Variants in ROBO1 observed in about 807,000 individuals in gnomAD.
ROBO1 encodes roundabout homolog 1.
Under a neutral mutation model 195.9 loss-of-function variants are expected in ROBO1, and 149 were observed. The ratio of observed to expected loss-of-function variants is 0.76; its 90% confidence interval spans 0.67 to 0.87. ROBO1 has a LOEUF of 0.87. Ranked by LOEUF, ROBO1 falls within the 40% of genes least tolerant of loss-of-function variation. The pLI is 0.00. For missense variants in ROBO1, 1,933 were observed against 2,068.3 expected, an observed-to-expected ratio of 0.93 and a Z score of 1.27; for synonymous variants, 816 against 733.2, an observed-to-expected ratio of 1.11 and a Z score of -1.82.
chr3:78,691,300 A>C (rs1036201058), intron 8 of ROBO1, among the ~76,000 whole-genome samples: 16 of 152,096 alleles, frequency 1.1e-4, no homozygotes, highest in Admixed American at 6.6e-4. Context: ...TACAATTTTT[A>C]ATTTAAACTT....
chr3:79,085,286 C>T (rs1440664330), intron 3 of ROBO1, among the ~76,000 whole-genome samples: 1 of 152,102 alleles, frequency 6.6e-6, no homozygotes, highest in Non-Finnish European at 1.5e-5. Context: ...TTTAGTTATT[C>T]TGGACACTTC....
At chr3:78,714,085 C>T (rs2081836229) in intron 8 of ROBO1, among the ~76,000 whole-genome samples, 3 of 152,154 alleles carry the variant, frequency 2.0e-5, no homozygotes, top group South Asian at 2.1e-4. Context: ...ATTAGAAGGG[C>T]TCTATGTTTG....
intron 3 of ROBO1, among the ~76,000 whole-genome samples, chr3:78,981,856 A>G (rs2077002247): frequency 6.6e-6 from 1 of 151,696 alleles, no homozygotes; most frequent in African/African-American, 2.4e-5. Flanking sequence ...GACTTTCCCT[A>G]GAAATTCCTG....
chr3:79,708,597 T>G (rs1702153833), intron 1 of ROBO1, among the ~76,000 whole-genome samples: 1 of 152,136 alleles, frequency 6.6e-6, no homozygotes, highest in African/African-American at 2.4e-5. Flanking sequence ...GGATGACAGC[T>G]TCACACTGTA....
intron 1 of ROBO1, among the ~76,000 whole-genome samples, chr3:79,738,541 AG>A (rs1703489029): frequency 6.6e-6 from 1 of 152,208 alleles, no homozygotes; most frequent in African/African-American, 2.4e-5. Flanking sequence ...CATAGAAAAA[AG>A]TTATTCGTGT....
At chr3:79,338,859 A>G (rs762202179) in intron 2 of ROBO1, among the ~76,000 whole-genome samples, 2 of 152,144 alleles carry the variant, frequency 1.3e-5, no homozygotes. Flanking sequence ...CAGATATGCT[A>G]CTGTTTATTT....
Position 78,746,736 on chromosome 3 carries a change from T to C in ROBO1, c.657+7A>G. On this transcript the variant is annotated splice_region_variant and intron_variant, in intron 5 of 30. Transcript: ENST00000464233. Reference sequence around the variant, plus strand: ...AAATGTCCTCTGCTGTTGAATTAAATACTCACAGTTATTCTTTCATCTTTA... The same window carrying C: ...AAATGTCCTCTGCTGTTGAATTAAACACTCACAGTTATTCTTTCATCTTTA... 6.8e-7 allele frequency: 1 copy of C among 1,477,508 alleles called. No individual in the cohort carries two copies. The highest frequency in any genetic ancestry group is 1.4e-5 in the African/African-American group (1 of 71,998). 91.5% of individuals were successfully genotyped at this position (1,477,508 alleles called of 1,614,324 possible).
intron 4 of ROBO1, among the ~76,000 whole-genome samples, chr3:78,753,191 A>G (rs537242833): frequency 6.6e-6 from 1 of 152,320 alleles, no homozygotes; most frequent in Non-Finnish European, 1.5e-5. Flanking sequence ...TTGTTTATTT[A>G]CATACTGTAT....
At chr3:79,715,504 G>A (rs1702447923) in intron 1 of ROBO1, among the ~76,000 whole-genome samples, 1 of 152,046 alleles carries the variant, frequency 6.6e-6, no homozygotes, top group Non-Finnish European at 1.5e-5. Context: ...ATTAACATAT[G>A]TACTTTTTTA....
Position 79,490,258 on chromosome 3 carries a change from C to A in ROBO1, c.88+99566G>T, listed in dbSNP as rs552808270. ...CTCTTCAAGGCACCCGTTGCCTGTC[C>A]TTGCCTTATACTCTGGGCTTCAGTC... is the stretch of plus-strand genomic sequence containing the variant. On this transcript the variant is annotated intron_variant, in intron 2 of 30. Transcript: ENST00000464233. 1.6e-4 allele frequency among the ~76,000 whole-genome samples: 25 copies of A among 152,254 alleles called. No homozygotes were observed. The South Asian group carries it at 2.7e-3, about 16-fold the overall frequency.
At chr3:79,245,712 A>G (rs2082613018) in intron 2 of ROBO1, among the ~76,000 whole-genome samples, 1 of 152,070 alleles carries the variant, frequency 6.6e-6, no homozygotes, top group Non-Finnish European at 1.5e-5. Flanking sequence ...CATTAGGAAA[A>G]CTGCCTGTTC....
At chr3:79,468,001 A>G (rs760872906) in intron 2 of ROBO1, among the ~76,000 whole-genome samples, 1 of 152,218 alleles carries the variant, frequency 6.6e-6, no homozygotes, top group African/African-American at 2.4e-5. Flanking sequence ...CAAAGGGTTC[A>G]TGGAATTCCT....
chr3:78,896,873 C>T (rs958337111), intron 4 of ROBO1, among the ~76,000 whole-genome samples: 3 of 152,066 alleles, frequency 2.0e-5, no homozygotes, highest in Non-Finnish European at 4.4e-5. Flanking sequence ...TCCTTGGGCT[C>T]TAAAGTATCT....
intron 2 of ROBO1, among the ~76,000 whole-genome samples, chr3:79,333,702 A>T (rs1294223913): frequency 6.6e-6 from 1 of 152,098 alleles, no homozygotes; most frequent in Non-Finnish European, 1.5e-5. Context: ...GCTGTTTCTT[A>T]TGCATGGTAT....
In ROBO1 at chr3:78,627,583, T is replaced by A; in HGVS notation, c.3627-14A>T. ...TCTTGGTCATAGCTAAAATAAATGA[T>A]AAGGATGTGTAGACTTACTTCAGGT... On this transcript the variant is annotated splice_polypyrimidine_tract_variant and intron_variant, in intron 25 of 30. Transcript: ENST00000464233. 1 of 1,600,474 alleles carries A rather than the reference T, an allele frequency of 6.2e-7. No individual in the cohort carries two copies. The highest frequency in any genetic ancestry group is 8.5e-7 in the Non-Finnish European group (1 of 1,173,118).
chr3:79,191,968 C>T (rs1013241873), intron 2 of ROBO1, among the ~76,000 whole-genome samples: 31 of 151,444 alleles, frequency 2.0e-4, no homozygotes, highest in African/African-American at 7.2e-4. Context: ...TTTTATTGTG[C>T]AGAGGGACTT....
chr3:79,578,321 A>G (rs1249951694), intron 2 of ROBO1, among the ~76,000 whole-genome samples: 1 of 152,202 alleles, frequency 6.6e-6, no homozygotes, highest in Non-Finnish European at 1.5e-5. Context: ...GATGCCAAAA[A>G]TAAGATTCAA....
chr3:79,547,400 T>C (rs868160166), intron 2 of ROBO1, among the ~76,000 whole-genome samples: 1 of 151,976 alleles, frequency 6.6e-6, no homozygotes, highest in East Asian at 1.9e-4. Context: ...ACTAAGATGA[T>C]TGAACATAGA....
chr3:78,873,758 T>C (rs986877178), intron 4 of ROBO1, among the ~76,000 whole-genome samples: 11 of 152,136 alleles, frequency 7.2e-5, no homozygotes, highest in Admixed American at 1.3e-4. Flanking sequence ...GAATATTCAT[T>C]TTCTGTGTTC....
Sources: allele counts gnomAD v4.1 joint callset (sites outside exome capture counted in the v4.1 genomes callset), GRCh38; gene constraint gnomAD v4.1.1; transcripts MANE v1.5; gene names NCBI Gene and HGNC (gene_info 2026-07-23, HGNC 2026-07-21).